The following PITPNM2 variants were observed in gnomAD, a reference collection of about 807,000 sequenced individuals.
PITPNM2 encodes the protein phosphatidylinositol transfer protein membrane associated 2.
Under a neutral mutation model 132.2 loss-of-function variants are expected in PITPNM2, and 35 were observed. The ratio of observed to expected loss-of-function variants is 0.26; its 90% confidence interval spans 0.20 to 0.35. The LOEUF is 0.35. Ranked by LOEUF, PITPNM2 falls within the 10% of genes least tolerant of loss-of-function variation. PITPNM2 has a pLI of 1.00. For synonymous variants in PITPNM2, 738 were observed against 799.2 expected (o/e 0.92, Z 1.29); for missense variants, 1,332 against 1,912.0 (o/e 0.70, Z 5.66).
chr12:123,015,453 T>C (rs1487877091), intron 3 of PITPNM2, among the ~76,000 whole-genome samples: 1 of 152,142 alleles, frequency 6.6e-6, no homozygotes, highest in East Asian at 1.9e-4. Context: ...GTGGAAATAA[T>C]AGTCTTTAAA....
intron 2 of PITPNM2, among the ~76,000 whole-genome samples, chr12:123,053,827 C>G (rs2040938270): frequency 6.6e-6 from 1 of 152,132 alleles, no homozygotes; most frequent in Non-Finnish European, 1.5e-5. Context: ...CTCAGCCTCC[C>G]AAAGTGCTGG....
At chr12:123,049,284 G>A (rs978209130) in intron 2 of PITPNM2, among the ~76,000 whole-genome samples, 4 of 152,164 alleles carry the variant, frequency 2.6e-5, no homozygotes, top group African/African-American at 9.7e-5. Flanking sequence ...AGGGTTCCAT[G>A]CCTAGGACGC....
chr12:123,127,561 T>G (rs1262951515), intron 1 of PITPNM2, among the ~76,000 whole-genome samples: 1 of 152,132 alleles, frequency 6.6e-6, no homozygotes, highest in Non-Finnish European at 1.5e-5. Flanking sequence ...CTCAAAACAT[T>G]CATTTTGCAA....
In PITPNM2 at chr12:122,992,796, CTA is replaced by C; in HGVS notation, c.2234-129_2234-128del. On this transcript the variant is annotated intron_variant, in intron 15 of 25. Transcript: ENST00000320201. This position sits in a 1 kb window ranked among gnomAD's most constrained non-coding sequence, Gnocchi z 6.5. ...TAGGGATAAGATGGGGGGTGTGTCT[CTA>C]TCAATTTGGGACCTGTTTGGGTCAT... 1.5e-6 allele frequency: 1 copy of C among 679,402 alleles called. No homozygotes were observed. Among genetic ancestry groups the C allele is most frequent in the Non-Finnish European group, 2.4e-6 (1 of 414,294 alleles). The allele number at this position is 679,402 out of a possible 1,614,324, so 42.1% of individuals were successfully genotyped here. A position where few individuals can be genotyped will look rare whatever the true frequency, so the allele number is the denominator to read the frequency against.
rs140459056 is a variant in PITPNM2 at position 123,123,044 on chromosome 12, C to T, written c.-199-12556G>A. Among the ~76,000 whole-genome samples the T allele has an allele frequency of 1.8e-4, 27 of 152,338 alleles. 1 individual carries two copies. Among genetic ancestry groups the T allele is most frequent in the African/African-American group, 6.5e-4 (27 of 41,576 alleles). On this transcript the variant is annotated intron_variant, in intron 1 of 25. Transcript: ENST00000320201. Reference sequence around the variant, plus strand: ...TACTTCTGGAAATTTATTCTACAGACATGAGAGTATATTTGCATGAAAACC... The same window carrying T: ...TACTTCTGGAAATTTATTCTACAGATATGAGAGTATATTTGCATGAAAACC...
In PITPNM2 at chr12:123,036,634, A is replaced by G. The variant is rs2040277420; in HGVS notation, c.-95-1949T>C. Among the ~76,000 whole-genome samples the G allele has an allele frequency of 6.6e-6, 1 of 152,190 alleles. No homozygotes were observed. Among genetic ancestry groups the G allele is most frequent in the African/African-American group, 2.4e-5 (1 of 41,442 alleles). On this transcript the variant is annotated intron_variant, in intron 2 of 25. Transcript: ENST00000320201. The surrounding 1 kb of genome is among the most constrained non-coding windows in gnomAD (Gnocchi z 4.1). The stretch of plus-strand genomic sequence containing the variant: ...ATATACCCCAGAAACTGCACCCAAC[A>G]TCTGCTGGCTGTAGATAAGATAACC...
intron 3 of PITPNM2, among the ~76,000 whole-genome samples, chr12:123,028,645 G>A (rs2039954641): frequency 6.6e-6 from 1 of 152,152 alleles, no homozygotes; most frequent in African/African-American, 2.4e-5. Context: ...ATGTTACTGA[G>A]GTATGACTGA....
Position 123,004,395 on chromosome 12 carries a change from G to A in PITPNM2, c.1047C>T (p.His349=), listed in dbSNP as rs759584760. 7 of 1,613,584 alleles carry A rather than the reference G, an allele frequency of 4.3e-6. No individual in the cohort carries two copies. The highest frequency in any genetic ancestry group is 2.2e-5 in the East Asian group (1 of 44,896). Reference sequence around the variant, plus strand: ...GACTGCAGAGCGCTGCCTGCCTACCGTGCGCATCGAAGAACTCATCATCTG... The same window carrying A: ...GACTGCAGAGCGCTGCCTGCCTACCATGCGCATCGAAGAACTCATCATCTG... ...ESSDDEFFDA[H]EDLSDTEEMF... The change falls in exon 8 of 26, where the codon CAC becomes CAT. Residue 349 remains histidine, a splice_region_variant and synonymous_variant. Coordinates refer to ENST00000320201, the MANE Select transcript of PITPNM2 (RefSeq NM_020845.3). This position sits in a 1 kb window ranked among gnomAD's most constrained non-coding sequence, Gnocchi z 4.9.
rs924625723 is a variant in PITPNM2, at chr12:123,022,880, A to T, written c.79-8838T>A. Reference sequence around the variant, plus strand: ...CCAGATGCCACATCTACACTCAGGGATCTGATGTGCCCTGCCTCTTCCCCC... The same window carrying T: ...CCAGATGCCACATCTACACTCAGGGTTCTGATGTGCCCTGCCTCTTCCCCC... On this transcript the variant is annotated intron_variant, in intron 3 of 25. Coordinates refer to ENST00000320201, the MANE Select transcript of PITPNM2 (RefSeq NM_020845.3). This position sits in a 1 kb window ranked among gnomAD's most constrained non-coding sequence, Gnocchi z 4.9. Among the ~76,000 whole-genome samples, 3 of 152,160 alleles carry T rather than the reference A, an allele frequency of 2.0e-5. No individual in the cohort carries two copies. In the East Asian group the frequency reaches 5.8e-4, roughly 29 times the overall value.
intron 2 of PITPNM2, chr12:123,081,711 C>T (rs181884672): frequency 1.7e-3 from 261 of 152,300 alleles, no homozygotes; most frequent in Non-Finnish European, 3.1e-3. Context: ...CTGCAGGAGC[C>T]TCCTGAGAGG....
intron 2 of PITPNM2, among the ~76,000 whole-genome samples, chr12:123,043,620 C>A (rs1949740414): frequency 6.6e-6 from 1 of 152,230 alleles, no homozygotes; most frequent in Admixed American, 6.5e-5. Flanking sequence ...AGCACAGCGG[C>A]CACCTGGGGG....
In PITPNM2 at chr12:122,995,551, C is replaced by T. The variant is rs1371522068; in HGVS notation, c.1892G>A (p.Gly631Asp). 1.2e-6 allele frequency: 2 copies of T among 1,609,838 alleles called. No individual in the cohort carries two copies. Among genetic ancestry groups the T allele is most frequent in the South Asian group, 1.1e-5 (1 of 91,080 alleles). The part of the protein sequence containing the change: ...GGSSGGGGSS[G>D]GSSLESSRHL... ...CCGACTGCTCTCCAGGCTGGAGCCACCACTACTGCCACCACCACCACTGCT... is the reference window on the plus strand; with the variant it reads ...CCGACTGCTCTCCAGGCTGGAGCCATCACTACTGCCACCACCACCACTGCT... The change falls in exon 14 of 26, where the codon GGT (glycine) becomes GAT (aspartate). Residue 631 changes from glycine (G) to aspartate (D), a missense_variant. Coordinates refer to ENST00000320201, the MANE Select transcript of PITPNM2 (RefSeq NM_020845.3).
chr12:123,041,138 C>T (rs1464896907), intron 2 of PITPNM2, among the ~76,000 whole-genome samples: 2 of 152,216 alleles, frequency 1.3e-5, no homozygotes, highest in African/African-American at 2.4e-5. Flanking sequence ...ATCCTTTGAT[C>T]TTTCATTTTG....
In PITPNM2 at chr12:123,030,989, G is replaced by A. The variant is rs540310751; in HGVS notation, c.78+3524C>T. Among the ~76,000 whole-genome samples, 336 of 152,246 alleles carry A rather than the reference G, an allele frequency of 2.2e-3. 2 individuals carry two copies. The highest frequency in any genetic ancestry group is 7.8e-3 in the African/African-American group (323 of 41,536). On this transcript the variant is annotated intron_variant, in intron 3 of 25. Transcript: ENST00000320201. ...ATTAGTGATTGTCAGGGGGTGGGGA[G>A]GGGGAGTGAGGAGTGACTGTTTAAT... is the stretch of plus-strand genomic sequence containing the variant.
intron 1 of PITPNM2, among the ~76,000 whole-genome samples, chr12:123,127,862 G>A (rs1349103276): frequency 6.6e-6 from 1 of 151,988 alleles, no homozygotes; most frequent in Non-Finnish European, 1.5e-5. Context: ...GCCCGCCTTG[G>A]CCTCCCAAAG....
intron 1 of PITPNM2, among the ~76,000 whole-genome samples, chr12:123,142,443 G>A (rs896747607): frequency 1.6e-4 from 24 of 152,210 alleles, no homozygotes; most frequent in Non-Finnish European, 2.6e-4. Flanking sequence ...AACTGATGGC[G>A]AAATAGGTGA....
intron 3 of PITPNM2, among the ~76,000 whole-genome samples, chr12:123,028,766 A>G (rs533627893): frequency 3.9e-5 from 6 of 152,322 alleles, no homozygotes; most frequent in Non-Finnish European, 8.8e-5. Context: ...CGCAGGTTAG[A>G]AAAAGGCTAG....
chr12:123,098,016 G>A (rs140391099), intron 2 of PITPNM2, among the ~76,000 whole-genome samples: 1 of 152,350 alleles, frequency 6.6e-6, no homozygotes, highest in Non-Finnish European at 1.5e-5. Flanking sequence ...GATTCCTGAC[G>A]TCAGTGTGCT....
intron 1 of PITPNM2, among the ~76,000 whole-genome samples, chr12:123,141,109 G>GGATC (rs2043496901): frequency 1.3e-5 from 2 of 152,126 alleles, no homozygotes; most frequent in Non-Finnish European, 2.9e-5. Flanking sequence ...TGAACATGAG[G>GGATC]GATCAGGTCT....
Sources: gnomAD v4.1 joint callset for allele counts (sites outside exome capture counted in the v4.1 genomes callset) on GRCh38, gnomAD v4.1.1 for gene constraint, Gnocchi (gnomAD v3.1) non-coding constraint, MANE v1.5 for transcripts, NCBI Gene and HGNC (gene_info 2026-07-23, HGNC 2026-07-21) for gene names.